The following NUDCD1 variants were observed in gnomAD, a reference collection of about 807,000 sequenced individuals.
NUDCD1 encodes NudC domain containing 1, also known as nudC domain-containing protein 1.
In NUDCD1, 60 loss-of-function variants were observed where a neutral mutation model predicts 67.8. The observed-to-expected ratio is 0.88, with a 90% CI of 0.72 to 1.10. The LOEUF (loss-of-function observed/expected upper bound fraction) is 1.10, where lower values mean the gene tolerates loss of function less well. Among genes scored for constraint, NUDCD1 ranks in the 50% least tolerant of loss-of-function variants. The pLI, the probability that NUDCD1 is intolerant of heterozygous loss-of-function variation, is 0.00. For missense variants in NUDCD1, 643 were observed against 695.0 expected, an observed-to-expected ratio of 0.93 and a Z score of 0.84; for synonymous variants, 244 against 230.8, an observed-to-expected ratio of 1.06 and a Z score of -0.52.
At chr8:109,300,358 C>A (rs1814956525) in intron 2 of NUDCD1, among the ~76,000 whole-genome samples, 1 of 151,632 alleles carries the variant, frequency 6.6e-6, no homozygotes, top group South Asian at 2.1e-4. Flanking sequence ...AAAAATGATA[C>A]AAGAAGTGAA....
At position 109,241,080 on chromosome 8, in the gene NUDCD1, A is replaced by G. The variant is rs1293268022; in HGVS notation, c.*1929T>C. ...ATATGTACCTTAGAACATTGTTTAAATGTTTATGGAATCCCTGAAGCATTT... is the reference window on the plus strand; with the variant it reads ...ATATGTACCTTAGAACATTGTTTAAGTGTTTATGGAATCCCTGAAGCATTT... On this transcript the variant is annotated 3_prime_UTR_variant, in exon 10 of 10. Transcript: ENST00000239690. 2 of 152,088 alleles carry G rather than the reference A, an allele frequency of 1.3e-5. No homozygotes were observed. Among genetic ancestry groups the G allele is most frequent in the Non-Finnish European group, 2.9e-5 (2 of 68,006 alleles). 9.4% of individuals were successfully genotyped at this position (152,088 alleles called of 1,614,324 possible).
chr8:109,247,555 G>A (rs1293339472), intron 8 of NUDCD1, among the ~76,000 whole-genome samples: 1 of 152,164 alleles, frequency 6.6e-6, no homozygotes, highest in African/African-American at 2.4e-5. Context: ...CACTTCAGCA[G>A]CCACTTACCT....
At chr8:109,316,681 T>TA (rs1216574291) in intron 2 of NUDCD1, among the ~76,000 whole-genome samples, 1 of 152,100 alleles carries the variant, frequency 6.6e-6, no homozygotes, top group Non-Finnish European at 1.5e-5. Flanking sequence ...AGAAAAATAA[T>TA]AAAAAATAAG....
rs1163103155 is a variant in NUDCD1, at chr8:109,275,490, C to A, written c.1035G>T (p.Glu345Asp). The A allele has an allele frequency of 1.2e-6, 2 of 1,609,550 alleles. No homozygotes were observed. The highest frequency in any genetic ancestry group is 1.7e-5 in the Admixed American group (1 of 59,154). ...TWIIKESNSL[E>D]ISLIKKNEGL... is the part of the protein sequence containing the mutation. ...CTTCATTCTTCTTAATCAAGGAAAT[C>A]TCCAAGCTAGAAGTTTAAATGGGAA... Residue 345 changes from glutamate to aspartate, a missense_variant, in exon 7 of 10, where the codon GAG (glutamate) becomes GAT (aspartate). Physicochemically the swap from Glu to Asp is conservative, Grantham distance 45 (BLOSUM62 2). Coordinates refer to ENST00000239690, the MANE Select transcript of NUDCD1 (RefSeq NM_032869.4).
chr8:109,296,612 TG>T, intron 2 of NUDCD1, 43 bp from the exon 3 acceptor site: 1 of 1,265,290 alleles, frequency 7.9e-7, no homozygotes, highest in Non-Finnish European at 1.1e-6. Flanking sequence ...TCCTCTTCAC[TG>T]ATCCACACAC....
At chr8:109,296,788 T>C (rs1369858333) in intron 2 of NUDCD1, among the ~76,000 whole-genome samples, 1 of 152,206 alleles carries the variant, frequency 6.6e-6, no homozygotes, top group African/African-American at 2.4e-5. Flanking sequence ...TAAAAGACTT[T>C]ACATCTTCTA....
chr8:109,242,991 G>T lies in NUDCD1; in HGVS notation c.*18C>A. ...CTGAATACTTTTCCAGTACAAAGAG[G>T]CCAATATGTTAGAATAATTAATTCT... On this transcript the variant is annotated 3_prime_UTR_variant, in exon 10 of 10. Transcript: ENST00000239690. 6.6e-7 allele frequency: 1 copy of T among 1,519,714 alleles called. No homozygotes were observed. Among genetic ancestry groups the T allele is most frequent in the Non-Finnish European group, 9.1e-7 (1 of 1,102,052 alleles). The allele number at this position is 1,519,714 out of a possible 1,614,324, so 94.1% of individuals were successfully genotyped here.
rs1813386980 is a variant in NUDCD1 at position 109,242,399 on chromosome 8, C to A, written c.*610G>T. ...CTGAGTTTTGGTGTGGTTTGTTATG[C>A]AGTGATGGATAATGTGAAATCTTAT... is the stretch of plus-strand genomic sequence containing the variant. On this transcript the variant is annotated 3_prime_UTR_variant, in exon 10 of 10. Coordinates refer to ENST00000239690, the MANE Select transcript of NUDCD1 (RefSeq NM_032869.4). 1 of 347,754 alleles carries A rather than the reference C, an allele frequency of 2.9e-6. No individual in the cohort carries two copies. Among genetic ancestry groups the A allele is most frequent in the Non-Finnish European group, 5.1e-6 (1 of 194,924 alleles). 21.5% of individuals were successfully genotyped at this position (347,754 alleles called of 1,614,324 possible). A position where few individuals can be genotyped will look rare whatever the true frequency, so the allele number is the denominator to read the frequency against.
In NUDCD1 at chr8:109,245,423, G is replaced by A; in HGVS notation, c.1358C>T (p.Pro453Leu). The A allele has an allele frequency of 6.2e-7, 1 of 1,613,586 alleles. No homozygotes were observed. Among genetic ancestry groups the A allele is most frequent in the Non-Finnish European group, 8.5e-7 (1 of 1,179,800 alleles). Residue 453 changes from proline (P) to leucine (L), a missense_variant, in exon 9 of 10, where the codon CCC becomes CTC. By Grantham distance (98) the Pro-to-Leu change is moderately conservative. Transcript: ENST00000239690. ...AACATCATGGCGCAAACAGAAGCAG[G>A]GCATTTCTTTAGGATCCACTATGAC... ...FSVIVDPKEM[P>L]CFCLRHDVDA... is the part of the protein sequence containing the mutation.
chr8:109,317,540 G>GAT lies in NUDCD1; in HGVS notation c.273+4768_273+4769insAT, dbSNP rs1815428444. Among the ~76,000 whole-genome samples the GAT allele has an allele frequency of 4.6e-5, 7 of 152,272 alleles. 1 individual carries two copies. In the South Asian group the frequency reaches 1.5e-3, roughly 32 times the overall value. Reference sequence around the variant, plus strand: ...ATAATATCAGGATATTATCCTATGAGAAAGGATCCACAGGATCCATTGTTC... The same window carrying GAT: ...ATAATATCAGGATATTATCCTATGAGATAAAGGATCCACAGGATCCATTGTTC... On this transcript the variant is annotated intron_variant, in intron 2 of 9. Transcript: ENST00000239690.
chr8:109,310,126 T>A (rs1330226758), intron 2 of NUDCD1, among the ~76,000 whole-genome samples: 1 of 151,658 alleles, frequency 6.6e-6, no homozygotes, highest in Non-Finnish European at 1.5e-5. Flanking sequence ...GAAAAAAAAA[T>A]TCACATGTAA....
At chr8:109,323,957 AAC>A (rs1211167679) in intron 1 of NUDCD1, among the ~76,000 whole-genome samples, 2 of 152,196 alleles carry the variant, frequency 1.3e-5, no homozygotes, top group African/African-American at 2.4e-5. Context: ...CCAAAAAGGA[AAC>A]AGAGAAGAAA....
chr8:109,243,095 T>C lies in NUDCD1; in HGVS notation c.1666A>G (p.Ile556Val). Residue 556 changes from isoleucine to valine, a missense_variant, in exon 10 of 10, where the codon ATT (isoleucine) becomes GTT (valine). Physicochemically the swap from Ile to Val is conservative, Grantham distance 29. Transcript: ENST00000239690. ...QVASLETNDP[I>V]LGFQATNERL... ...TCATTTGTTGCCTGAAATCCTAAAA[T>C]AGGATCATTGGTTTCTAGGCTTGCT... The C allele has an allele frequency of 6.2e-7, 1 of 1,613,710 alleles. No individual in the cohort carries two copies.
chr8:109,320,435 T>C (rs996346733), intron 2 of NUDCD1, among the ~76,000 whole-genome samples: 1 of 152,232 alleles, frequency 6.6e-6, no homozygotes, highest in Non-Finnish European at 1.5e-5. Context: ...ATGGCTCTGT[T>C]CCGCCCAGCT....
At chr8:109,327,314 T>C (rs563882105) in intron 1 of NUDCD1, among the ~76,000 whole-genome samples, 1 of 152,328 alleles carries the variant, frequency 6.6e-6, no homozygotes, top group East Asian at 1.9e-4. Flanking sequence ...TTCCCCATCT[T>C]TTCCTCCATA....
rs549989209 is a variant in NUDCD1, at chr8:109,241,526, T to C, written c.*1483A>G. The stretch of plus-strand genomic sequence containing the variant: ...TTCCATCTCTATGATCTCGTGATGT[T>C]TGGTATCTAGTCTCTCTTTCCTAAT... On this transcript the variant is annotated 3_prime_UTR_variant, in exon 10 of 10. Coordinates refer to ENST00000239690, the MANE Select transcript of NUDCD1 (RefSeq NM_032869.4). The C allele has an allele frequency of 6.6e-6, 1 of 152,302 alleles. No homozygotes were observed. Among genetic ancestry groups the C allele is most frequent in the African/African-American group, 2.4e-5 (1 of 41,574 alleles). The allele number at this position is 152,302 out of a possible 1,614,324, so 9.4% of individuals were successfully genotyped here. A position where few individuals can be genotyped will look rare whatever the true frequency, so the allele number is the denominator to read the frequency against.
chr8:109,322,361 C>T lies in NUDCD1; in HGVS notation c.221G>A (p.Ser74Asn). The T allele has an allele frequency of 6.3e-7, 1 of 1,586,810 alleles. No individual in the cohort carries two copies. The highest frequency in any genetic ancestry group is 1.1e-5 in the South Asian group (1 of 89,778). Reference sequence around the variant, plus strand: ...TCCAAGGGTATCAATATAGTAGACACTGTCTTGATACCATGAATCACAGTG... The same window carrying T: ...TCCAAGGGTATCAATATAGTAGACATTGTCTTGATACCATGAATCACAGTG... ...YLHCDSWYQD[S>N]VYYIDTLGRI... The change falls in exon 2 of 10, where the codon AGT (serine) becomes AAT (asparagine). Residue 74 changes from serine to asparagine, a missense_variant. Transcript: ENST00000239690.
intron 2 of NUDCD1, among the ~76,000 whole-genome samples, chr8:109,317,189 C>T (rs1180130074): frequency 6.6e-6 from 1 of 152,164 alleles, no homozygotes; most frequent in Non-Finnish European, 1.5e-5. Flanking sequence ...GCACAAAAAA[C>T]TGAACAGGTG....
Position 109,269,907 on chromosome 8 carries a change from G to C in NUDCD1, c.1299+1098C>G, listed in dbSNP as rs576409846. Reference sequence around the variant, plus strand: ...TTAGTAGTATTAACTAATGGTTAAGGATTCCCCTAAGAAGGAATATCTAAT... The same window carrying C: ...TTAGTAGTATTAACTAATGGTTAAGCATTCCCCTAAGAAGGAATATCTAAT... On this transcript the variant is annotated intron_variant, in intron 8 of 9. Transcript: ENST00000239690. Among the ~76,000 whole-genome samples the C allele has an allele frequency of 3.3e-4, 48 of 147,602 alleles. No individual in the cohort carries two copies. In the South Asian group the frequency reaches 3.7e-3, roughly 11 times the overall value.
Sources: gnomAD v4.1 joint callset for allele counts (sites outside exome capture counted in the v4.1 genomes callset) on GRCh38, gnomAD v4.1.1 for gene constraint, MANE v1.5 for transcripts, NCBI Gene and HGNC (gene_info 2026-07-23, HGNC 2026-07-21) for gene names.